Variants in PAK1 observed in about 807,000 individuals in gnomAD.
The protein encoded by PAK1 is p21 (RAC1) activated kinase 1.
A neutral mutation model predicts 67.4 loss-of-function variants in PAK1; 29 were observed. That is an observed-to-expected ratio of 0.43 (90% CI 0.32 to 0.59). PAK1 has a LOEUF of 0.59. Among genes scored for constraint, PAK1 ranks in the 20% least tolerant of loss-of-function variants. The probability of loss-of-function intolerance (pLI) is 0.07; values close to 1 mark genes in which losing one functional copy is unlikely to be tolerated. For missense variants in PAK1, 337 were observed against 670.7 expected, an observed-to-expected ratio of 0.50 and a Z score of 5.50; for synonymous variants, 223 against 237.4, an observed-to-expected ratio of 0.94 and a Z score of 0.56.
chr11:77,468,667 T>A (rs1049926194), intron 1 of PAK1, among the ~76,000 whole-genome samples: 15 of 152,182 alleles, frequency 9.9e-5, no homozygotes, highest in African/African-American at 3.6e-4. Flanking sequence ...TAGTTCAAAC[T>A]GTGGACTTCA....
At chr11:77,356,809 AACT>A (rs1190455977) in intron 6 of PAK1, among the ~76,000 whole-genome samples, 2 of 152,212 alleles carry the variant, frequency 1.3e-5, no homozygotes, top group Non-Finnish European at 2.9e-5. Flanking sequence ...AGAAAATCAT[AACT>A]ACAAGGCAGA....
At chr11:77,363,963 T>G (rs551289757) in intron 5 of PAK1, among the ~76,000 whole-genome samples, 4 of 152,244 alleles carry the variant, frequency 2.6e-5, no homozygotes, top group Non-Finnish European at 5.9e-5. Flanking sequence ...AGGGTATAAC[T>G]GCATAGTCCA....
chr11:77,375,507 T>C (rs892737528), intron 4 of PAK1, among the ~76,000 whole-genome samples: 1 of 152,216 alleles, frequency 6.6e-6, no homozygotes, highest in Non-Finnish European at 1.5e-5. Context: ...GCAATTACCA[T>C]GTTTCACTGA....
At chr11:77,490,571 G>A in the PAK1 span, among the ~76,000 whole-genome samples, 12 of 151,502 alleles carry the variant, frequency 7.9e-5, no homozygotes, top group South Asian at 1.5e-3. Flanking sequence ...CTGCCCGGCC[G>A]CCCCTACTGG....
chr11:77,441,584 C>A (rs747320952), intron 1 of PAK1, among the ~76,000 whole-genome samples: 1 of 152,192 alleles, frequency 6.6e-6, no homozygotes, highest in Non-Finnish European at 1.5e-5. Flanking sequence ...GCTTGTGAGG[C>A]TCCACTTCAA....
At chr11:77,458,684 T>C (rs775286372) in intron 1 of PAK1, among the ~76,000 whole-genome samples, 1 of 152,142 alleles carries the variant, frequency 6.6e-6, no homozygotes, top group Non-Finnish European at 1.5e-5. Context: ...CAGGGAGGAA[T>C]GTTTGAGTGG....
At chr11:77,339,330 G>A (rs925105987) in intron 11 of PAK1, among the ~76,000 whole-genome samples, 1 of 151,774 alleles carries the variant, frequency 6.6e-6, no homozygotes, top group Non-Finnish European at 1.5e-5. Flanking sequence ...AGGGGGTGGG[G>A]TGAAAAAAAT....
chr11:77,489,652 T>G, the PAK1 span, among the ~76,000 whole-genome samples: 1 of 151,970 alleles, frequency 6.6e-6, no homozygotes, highest in Non-Finnish European at 1.5e-5. Flanking sequence ...GGTTTCACTG[T>G]GTTGGCCGGG....
chr11:77,358,837 T>C (rs1946391614), intron 6 of PAK1, 61 bp downstream of exon 6: 1 of 1,572,878 alleles, frequency 6.4e-7, no homozygotes, highest in African/African-American at 1.4e-5. Context: ...CAGCACCAAC[T>C]CCTCCCTCTC....
the PAK1 span, among the ~76,000 whole-genome samples, chr11:77,506,457 C>T: frequency 6.6e-6 from 1 of 152,094 alleles, no homozygotes. Context: ...GACATAAGGA[C>T]AAGGTAAGGA....
chr11:77,325,640 C>CAGTG (rs1939632017), intron 14 of PAK1, among the ~76,000 whole-genome samples: 1 of 152,084 alleles, frequency 6.6e-6, no homozygotes, highest in African/African-American at 2.4e-5. Flanking sequence ...ACACATTTCC[C>CAGTG]AGTGCCCACA....
chr11:77,432,110 T>G (rs569658280), intron 1 of PAK1, among the ~76,000 whole-genome samples: 2 of 151,936 alleles, frequency 1.3e-5, no homozygotes, highest in Non-Finnish European at 2.9e-5. Flanking sequence ...TATGACATAA[T>G]GATTCCAGAT....
chr11:77,391,890 T>C (rs552928055), intron 2 of PAK1, among the ~76,000 whole-genome samples: 10 of 152,336 alleles, frequency 6.6e-5, no homozygotes, highest in African/African-American at 2.4e-4. Flanking sequence ...TTCTTACTGA[T>C]ACGTAGTCCC....
chr11:77,407,521 A>G (rs1953779924), intron 1 of PAK1, among the ~76,000 whole-genome samples: 1 of 152,148 alleles, frequency 6.6e-6, no homozygotes, highest in Admixed American at 6.5e-5. Flanking sequence ...CATCTGAGCA[A>G]TTTTTCACGG....
At chr11:77,349,162 C>T (rs1944876175) in intron 9 of PAK1, 77 bp downstream of exon 9, 2 of 1,021,566 alleles carry the variant, frequency 2.0e-6, no homozygotes. Flanking sequence ...TTCCTGTTGA[C>T]CTAACAAGGG....
At chr11:77,471,237 C>T (rs1363877225) in intron 1 of PAK1, among the ~76,000 whole-genome samples, 2 of 152,174 alleles carry the variant, frequency 1.3e-5, no homozygotes, top group South Asian at 2.1e-4. Flanking sequence ...TTAAGTGCTA[C>T]GGAAGAAAAA....
chr11:77,380,215 C>T (rs998663130), intron 2 of PAK1, among the ~76,000 whole-genome samples: 7 of 151,982 alleles, frequency 4.6e-5, no homozygotes, highest in South Asian at 2.1e-4. Flanking sequence ...GGGAGGTGGC[C>T]GGGCACGGTG....
chr11:77,345,255 T>C (rs1395077467), intron 9 of PAK1, among the ~76,000 whole-genome samples: 1 of 151,814 alleles, frequency 6.6e-6, no homozygotes, highest in Non-Finnish European at 1.5e-5. Flanking sequence ...ACACACAGAG[T>C]TGGTGCTCAA....
chr11:77,413,689 A>G (rs1380198599), intron 1 of PAK1, among the ~76,000 whole-genome samples: 1 of 152,180 alleles, frequency 6.6e-6, no homozygotes, highest in African/African-American at 2.4e-5. Flanking sequence ...ATCTCAAAAA[A>G]AGAAAAAGGA....
Sources: allele counts gnomAD v4.1 joint callset (sites outside exome capture counted in the v4.1 genomes callset), GRCh38; gene constraint gnomAD v4.1.1; transcripts MANE v1.5; gene names NCBI Gene and HGNC (gene_info 2026-07-23, HGNC 2026-07-21).